Variants in WSCD2 observed in about 807,000 individuals in gnomAD.
The protein encoded by WSCD2 is WSC domain sialate O sulfotransferase 2, also known as sialate:O-sulfotransferase 2.
Under a neutral mutation model 55.7 loss-of-function variants are expected in WSCD2, and 28 were observed. The ratio of observed to expected loss-of-function variants is 0.50; its 90% CI spans 0.37 to 0.69. The LOEUF (loss-of-function observed/expected upper bound fraction) is 0.69, where lower values mean the gene tolerates loss of function less well. WSCD2 is among the 30% of genes least tolerant of loss of function. WSCD2 has a pLI of 0.00. For synonymous variants in WSCD2, 301 were observed against 301.9 expected (o/e 1.00, Z 0.03); for missense variants, 616 against 762.1 (o/e 0.81, Z 2.26).
chr12:108,224,846 T>C lies in WSCD2; in HGVS notation c.790T>C (p.Phe264Leu). The C allele has an allele frequency of 6.2e-7, 1 of 1,613,548 alleles. No individual in the cohort carries two copies. The highest frequency in any genetic ancestry group is 8.5e-7 in the Non-Finnish European group (1 of 1,180,020). The change falls in exon 5 of 9, where the codon TTC becomes CTC. Residue 264 changes from phenylalanine to leucine, a missense_variant. Phe to Leu is a conservative substitution (Grantham distance 22). Transcript: ENST00000547525. ...LNMSVDKCVD[F>L]CTEKEYPLAA... ...CATGTCTGTGGACAAATGCGTGGAC[T>C]TCTGCACTGAGAAGGTGAGCACAAG... is the stretch of plus-strand genomic sequence containing the variant.
chr12:108,212,076 C>CCATAGTCA (rs1886263263), intron 4 of WSCD2, among the ~76,000 whole-genome samples: 1 of 152,152 alleles, frequency 6.6e-6, no homozygotes. Context: ...TTCCACCTCC[C>CCATAGTCA]CATAGTCACA....
intron 1 of WSCD2, among the ~76,000 whole-genome samples, chr12:108,170,425 G>A (rs1425185239): frequency 6.6e-6 from 1 of 152,010 alleles, no homozygotes; most frequent in Non-Finnish European, 1.5e-5. Flanking sequence ...GATGATGGCA[G>A]GGATGATGAT....
At position 108,248,950 on chromosome 12, in the gene WSCD2, G is replaced by A; in HGVS notation, c.*607G>A. 2 of 982,690 alleles carry A rather than the reference G, an allele frequency of 2.0e-6. No homozygotes were observed. Among genetic ancestry groups the A allele is most frequent in the Non-Finnish European group, 2.4e-6 (2 of 826,948 alleles). 60.9% of individuals were successfully genotyped at this position (982,690 alleles called of 1,614,324 possible). A position where few individuals can be genotyped will look rare whatever the true frequency, so the allele number is the denominator to read the frequency against. On this transcript the variant is annotated 3_prime_UTR_variant, in exon 9 of 9. Transcript: ENST00000547525. This position sits in a 1 kb window ranked among gnomAD's most constrained non-coding sequence, Gnocchi z 4.3. ...TAATGGTGCTCACAGTAGGTTAATT[G>A]GAGACACCATGTGGGGCCATTGGTG...
rs371817011 is a variant in WSCD2, at chr12:108,196,092, G to A, written c.260G>A (p.Arg87His). 60 of 1,614,118 alleles carry A rather than the reference G, an allele frequency of 3.7e-5. No individual in the cohort carries two copies. The highest frequency in any genetic ancestry group is 3.3e-4 in the Middle Eastern group (2 of 6,062). Reference sequence around the variant, plus strand: ...ACAGGTGAAGCCTCAAGCATTGCTCGCAGGTACGGACCCTGGTTCAAGGGC... The same window carrying A: ...ACAGGTGAAGCCTCAAGCATTGCTCACAGGTACGGACCCTGGTTCAAGGGC... The part of the protein sequence containing the change: ...RDTGEASSIA[R>H]RYGPWFKGKD... The change falls in exon 2 of 9, where the codon CGC (arginine) becomes CAC (histidine). Residue 87 changes from arginine (R) to histidine (H), a missense_variant. Physicochemically the swap from Arg to His is conservative, Grantham distance 29 (BLOSUM62 0). Around this residue, in one of 3 missense-constraint regions of WSCD2, gnomAD observed 374 missense variants for 467.4 expected, o/e 0.80. Transcript: ENST00000547525.
chr12:108,180,053 A>C (rs1881492567), intron 1 of WSCD2, among the ~76,000 whole-genome samples: 1 of 143,486 alleles, frequency 7.0e-6, no homozygotes, highest in South Asian at 2.2e-4. Context: ...AAAAAAACAA[A>C]AAAAAAAAAA....
intron 1 of WSCD2, among the ~76,000 whole-genome samples, chr12:108,168,910 C>T (rs748603518): frequency 4.6e-5 from 7 of 152,160 alleles, no homozygotes; most frequent in Non-Finnish European, 5.9e-5. Flanking sequence ...GGGTAGTGGT[C>T]CTCAACCACT....
At chr12:108,164,893 G>A (rs1879456955) in intron 1 of WSCD2, among the ~76,000 whole-genome samples, 1 of 152,174 alleles carries the variant, frequency 6.6e-6, no homozygotes, top group African/African-American at 2.4e-5. Context: ...GTAGGAGAAG[G>A]TGGGGACAAA....
intron 1 of WSCD2, among the ~76,000 whole-genome samples, chr12:108,159,550 A>G (rs1878855452): frequency 6.6e-6 from 1 of 152,220 alleles, no homozygotes; most frequent in Non-Finnish European, 1.5e-5. Flanking sequence ...TCCCCAGCAC[A>G]CAGAGTCTGG....
rs1490494777 is a variant in WSCD2 at position 108,249,952 on chromosome 12, G to A, written c.*1609G>A. The A allele has an allele frequency of 1.3e-5, 2 of 152,696 alleles. No individual in the cohort carries two copies. The highest frequency in any genetic ancestry group is 2.9e-5 in the Non-Finnish European group (2 of 68,078). 9.5% of individuals were successfully genotyped at this position (152,696 alleles called of 1,614,324 possible). On this transcript the variant is annotated 3_prime_UTR_variant, in exon 9 of 9. Transcript: ENST00000547525. The stretch of plus-strand genomic sequence containing the variant: ...ATTTTTAGTCTTCTTTCATGAAGCA[G>A]TGGAGGGGTTGGCCTCCCTTCTACT...
intron 6 of WSCD2, among the ~76,000 whole-genome samples, chr12:108,228,162 A>C (rs1298840552): frequency 6.6e-6 from 1 of 152,150 alleles, no homozygotes; most frequent in Non-Finnish European, 1.5e-5. Flanking sequence ...GGTATCATGA[A>C]GGGTGGGTGG....
rs75937227 is a variant in WSCD2 at position 108,152,582 on chromosome 12, G to A, written c.-552+22656G>A. Among the ~76,000 whole-genome samples, 854 of 152,272 alleles carry A rather than the reference G, an allele frequency of 5.6e-3. 7 individuals are homozygous for A. Among genetic ancestry groups the A allele is most frequent in the African/African-American group, 0.019 (800 of 41,558 alleles). ...CCTCTTGGTGGCAGAGCCTGCTCTG[G>A]GATAAAGATGAGTCCCAGGAATTAA... On this transcript the variant is annotated intron_variant, in intron 1 of 8. Coordinates refer to ENST00000547525, the MANE Select transcript of WSCD2 (RefSeq NM_014653.4).
At chr12:108,141,634 C>T (rs762254902) in intron 1 of WSCD2, among the ~76,000 whole-genome samples, 3 of 152,198 alleles carry the variant, frequency 2.0e-5, no homozygotes, top group Non-Finnish European at 4.4e-5. Flanking sequence ...CTGGTAATGA[C>T]ATTGGGCCTA....
intron 4 of WSCD2, among the ~76,000 whole-genome samples, chr12:108,222,632 C>T (rs746253147): frequency 6.6e-6 from 1 of 152,122 alleles, no homozygotes; most frequent in African/African-American, 2.4e-5. Flanking sequence ...ATATCACCAG[C>T]CTTTCAAAAG....
intron 1 of WSCD2, among the ~76,000 whole-genome samples, chr12:108,159,227 ACT>A (rs1565924032): frequency 6.6e-6 from 1 of 151,270 alleles, no homozygotes; most frequent in Non-Finnish European, 1.5e-5. Context: ...TCTCCAGCTG[ACT>A]CTCCTTAGTC....
At chr12:108,132,517 T>A (rs2136848369) in intron 1 of WSCD2, among the ~76,000 whole-genome samples, 1 of 152,222 alleles carries the variant, frequency 6.6e-6, no homozygotes, top group East Asian at 1.9e-4. Context: ...TGTCTATGGA[T>A]TTGTGAGTGT....
chr12:108,162,229 C>T (rs1326625111), intron 1 of WSCD2, among the ~76,000 whole-genome samples: 1 of 152,230 alleles, frequency 6.6e-6, no homozygotes, highest in African/African-American at 2.4e-5. Flanking sequence ...ACGTTGTTCT[C>T]ATTTCCTCCT....
intron 1 of WSCD2, among the ~76,000 whole-genome samples, chr12:108,141,851 G>T (rs1257118337): frequency 6.6e-6 from 1 of 152,122 alleles, no homozygotes; most frequent in Admixed American, 6.6e-5. Context: ...AAGTAAAGTG[G>T]AGTTGAATGA....
chr12:108,235,467 A>G (rs1017904184), intron 7 of WSCD2, among the ~76,000 whole-genome samples: 1 of 152,122 alleles, frequency 6.6e-6, no homozygotes, highest in Admixed American at 6.5e-5. Context: ...GGGGATTCCA[A>G]TGCAAAACCA....
At chr12:108,161,124 T>A (rs1879012626) in intron 1 of WSCD2, among the ~76,000 whole-genome samples, 1 of 152,198 alleles carries the variant, frequency 6.6e-6, no homozygotes, top group South Asian at 2.1e-4. Flanking sequence ...TACGGGAGAT[T>A]TTCAGCTCTC....
Sources: gnomAD v4.1 joint callset for allele counts (sites outside exome capture counted in the v4.1 genomes callset) on GRCh38, gnomAD v4.1.1 for gene constraint, gnomAD v4.1.1 regional missense constraint, Gnocchi (gnomAD v3.1) non-coding constraint, MANE v1.5 for transcripts, NCBI Gene and HGNC (gene_info 2026-07-23, HGNC 2026-07-21) for gene names.